PIK3C3: variants seen among roughly 807,000 people sequenced by gnomAD.
The protein encoded by PIK3C3 is PI3-kinase type 3.
PIK3C3 carries 95 observed loss-of-function variants against 126.1 expected under a neutral mutation model. The ratio of observed to expected loss-of-function variants is 0.75; its 90% CI spans 0.64 to 0.89. The LOEUF (loss-of-function observed/expected upper bound fraction) is 0.89, where lower values mean the gene tolerates loss of function less well. Among genes scored for constraint, PIK3C3 ranks in the 40% least tolerant of loss-of-function variants. The probability of loss-of-function intolerance (pLI) is 0.00; values close to 1 mark genes in which losing one functional copy is unlikely to be tolerated. For synonymous variants in PIK3C3, 374 were observed against 360.0 expected (o/e 1.04, Z -0.44); for missense variants, 829 against 1,063.2 (o/e 0.78, Z 3.06).
At chr18:41,981,159 A>T (rs1981180586) in intron 4 of PIK3C3, among the ~76,000 whole-genome samples, 1 of 152,138 alleles carries the variant, frequency 6.6e-6, no homozygotes, top group Non-Finnish European at 1.5e-5. Flanking sequence ...AATATCTCGT[A>T]AATTTATTTT....
intron 1 of PIK3C3, among the ~76,000 whole-genome samples, 173 bp from the exon 2 acceptor site, chr18:41,957,397 C>A (rs1301382673): frequency 1.3e-5 from 2 of 152,122 alleles, no homozygotes; most frequent in East Asian, 3.8e-4. Context: ...ACATTAATTT[C>A]ATATACAGGA....
chr18:42,074,838 C>T (rs551151266), intron 24 of PIK3C3, among the ~76,000 whole-genome samples: 1 of 152,034 alleles, frequency 6.6e-6, no homozygotes, highest in Non-Finnish European at 1.5e-5. Context: ...AAGCTCTTTA[C>T]CCTTTCATGT....
chr18:42,036,731 A>G (rs1984070680), intron 16 of PIK3C3, among the ~76,000 whole-genome samples: 1 of 152,140 alleles, frequency 6.6e-6, no homozygotes, highest in South Asian at 2.1e-4. Flanking sequence ...TTATTCCAGA[A>G]TAAAAGATAC....
intron 21 of PIK3C3, among the ~76,000 whole-genome samples, chr18:42,054,827 A>G (rs1267988575): frequency 6.6e-6 from 1 of 152,064 alleles, no homozygotes; most frequent in Admixed American, 6.5e-5. Context: ...TTTGAATGAG[A>G]TAAGTAGACT....
chr18:41,959,235 G>A (rs1979952438), intron 2 of PIK3C3, among the ~76,000 whole-genome samples: 1 of 152,262 alleles, frequency 6.6e-6, no homozygotes. Context: ...GGCTTCTGTT[G>A]CATGACTTGA....
At chr18:41,981,479 A>G (rs1454449848) in intron 4 of PIK3C3, among the ~76,000 whole-genome samples, 5 of 152,238 alleles carry the variant, frequency 3.3e-5, no homozygotes, top group African/African-American at 1.2e-4. Context: ...TGAAAGTAAA[A>G]TTGGAGATTT....
chr18:42,004,628 T>A (rs1982454728), intron 10 of PIK3C3, 87 bp downstream of exon 10: 2 of 1,032,200 alleles, frequency 1.9e-6, no homozygotes, highest in Admixed American at 3.1e-5. Flanking sequence ...TGTGTGAGAG[T>A]GAGAGAGAGA....
intron 24 of PIK3C3, among the ~76,000 whole-genome samples, chr18:42,071,950 A>T (rs1243790007): frequency 2.0e-5 from 3 of 152,190 alleles, no homozygotes; most frequent in Admixed American, 6.5e-5. Flanking sequence ...ACTGAAGCAT[A>T]CATGGGATGC....
chr18:42,051,990 AAAAAT>A (rs1012251802), intron 21 of PIK3C3, among the ~76,000 whole-genome samples: 1 of 151,706 alleles, frequency 6.6e-6, no homozygotes, highest in South Asian at 2.1e-4. Context: ...TAATAAAATA[AAAAAT>A]AAAATAAATA....
intron 24 of PIK3C3, among the ~76,000 whole-genome samples, chr18:42,072,058 A>G (rs1779897216): frequency 6.6e-6 from 1 of 152,058 alleles, no homozygotes; most frequent in African/African-American, 2.4e-5. Context: ...TCTCTTTGAA[A>G]CTCACTTGTC....
chr18:42,087,534 T>G lies in PIK3C3; in HGVS notation c.*6397T>G, dbSNP rs759850379. The G allele has an allele frequency of 3.9e-5, 6 of 152,202 alleles. No homozygotes were observed. Among genetic ancestry groups the G allele is most frequent in the Non-Finnish European group, 8.8e-5 (6 of 68,030 alleles). 9.4% of individuals were successfully genotyped at this position (152,202 alleles called of 1,614,324 possible). ...CATTCACCCATGCAAGCTGCCAGCT[T>G]GTCTATGTCTGCAGCTCAACTTTAC... On this transcript the variant is annotated 3_prime_UTR_variant, in exon 25 of 25. Transcript: ENST00000262039.
chr18:41,979,393 T>C (rs560486540), intron 4 of PIK3C3, among the ~76,000 whole-genome samples: 1 of 152,314 alleles, frequency 6.6e-6, no homozygotes, highest in Admixed American at 6.5e-5. Context: ...GTGAATATAC[T>C]TGCATGTTAT....
Position 42,024,904 on chromosome 18 carries a change from C to T in PIK3C3, c.1485-2539C>T, listed in dbSNP as rs983664745. 2.0e-4 allele frequency among the ~76,000 whole-genome samples: 30 copies of T among 150,952 alleles called. 1 individual carries two copies. The highest frequency in any genetic ancestry group is 1.6e-3 in the Admixed American group (25 of 15,182). ...CTGCAAGCTCTGCCTCACGAGTTCA[C>T]GCCATTCTTCTGCCTCAGCCTCCCG... On this transcript the variant is annotated intron_variant, in intron 13 of 24. Coordinates refer to ENST00000262039, the MANE Select transcript of PIK3C3 (RefSeq NM_002647.4).
At chr18:42,049,241 T>C (rs1027478921) in intron 20 of PIK3C3, 1 of 232,570 alleles carries the variant, frequency 4.3e-6, no homozygotes, top group Non-Finnish European at 8.3e-6. Context: ...CAATTTGATA[T>C]TAGAATTGCT....
At chr18:42,023,262 T>C (rs1489137649) in intron 13 of PIK3C3, among the ~76,000 whole-genome samples, 2 of 152,228 alleles carry the variant, frequency 1.3e-5, no homozygotes, top group Non-Finnish European at 2.9e-5. Context: ...GATTGAAGAC[T>C]AGATTTCATT....
intron 2 of PIK3C3, among the ~76,000 whole-genome samples, chr18:41,959,691 G>A: frequency 6.6e-6 from 1 of 152,078 alleles, no homozygotes. Context: ...CTACTTGGGA[G>A]GCTAAGGCAG....
chr18:42,030,318 G>A (rs988474497), intron 15 of PIK3C3, among the ~76,000 whole-genome samples: 2 of 152,174 alleles, frequency 1.3e-5, no homozygotes, highest in Non-Finnish European at 2.9e-5. Context: ...GGGTAGAAGT[G>A]AATGAGTAGA....
At position 42,024,687 on chromosome 18, in the gene PIK3C3, G is replaced by A. The variant is rs539204602; in HGVS notation, c.1485-2756G>A. On this transcript the variant is annotated intron_variant, in intron 13 of 24. Coordinates refer to ENST00000262039, the MANE Select transcript of PIK3C3 (RefSeq NM_002647.4). ...CAACCTCAAGTGATTCACCCGCCTC[G>A]GCCTCCCAAAGTGTTGGGATTGCAG... Among the ~76,000 whole-genome samples, 8 of 152,108 alleles carry A rather than the reference G, an allele frequency of 5.3e-5. No homozygotes were observed. The South Asian group carries it at 6.2e-4, about 12-fold the overall frequency.
At chr18:42,071,769 C>G (rs1985784269) in intron 24 of PIK3C3, among the ~76,000 whole-genome samples, 2 of 150,128 alleles carry the variant, frequency 1.3e-5, no homozygotes, top group African/African-American at 2.5e-5. Context: ...GTTAGTTGTT[C>G]TAACTTATCA....
Sources: allele counts gnomAD v4.1 joint callset (sites outside exome capture counted in the v4.1 genomes callset), GRCh38; gene constraint gnomAD v4.1.1; transcripts MANE v1.5; gene names NCBI Gene and HGNC (gene_info 2026-07-23, HGNC 2026-07-21).